Variants in AFF3 observed in about 807,000 individuals in gnomAD.
AFF3 encodes the protein AF4/FMR2 family member 3.
In AFF3, 32 loss-of-function variants were observed where a neutral mutation model predicts 129.7. The observed-to-expected ratio is 0.25, with a 90% CI of 0.19 to 0.33. The LOEUF (loss-of-function observed/expected upper bound fraction) is 0.33, where lower values mean the gene tolerates loss of function less well. AFF3 is among the 10% of genes least tolerant of loss of function. The probability of loss-of-function intolerance (pLI) is 1.00; values close to 1 mark genes in which losing one functional copy is unlikely to be tolerated. For synonymous variants in AFF3, 644 were observed against 635.4 expected, an observed-to-expected ratio of 1.01 and a Z score of -0.20; for missense variants, 1,373 against 1,592.0, an observed-to-expected ratio of 0.86 and a Z score of 2.34.
intron 12 of AFF3, among the ~76,000 whole-genome samples, chr2:99,666,863 A>G (rs1174411613): frequency 6.6e-6 from 1 of 152,182 alleles, no homozygotes; most frequent in African/African-American, 2.4e-5. Context: ...AGCAATCCTA[A>G]ATGTACACAC....
intron 8 of AFF3, among the ~76,000 whole-genome samples, chr2:99,780,085 T>G (rs958874457): frequency 2.0e-5 from 3 of 152,186 alleles, no homozygotes; most frequent in Non-Finnish European, 4.4e-5. Context: ...GTTGTTCTGA[T>G]CACTGTAGGA....
At chr2:100,130,845 C>T (rs1015777846) in intron 1 of AFF3, among the ~76,000 whole-genome samples, 2 of 152,088 alleles carry the variant, frequency 1.3e-5, no homozygotes, top group African/African-American at 4.8e-5. Context: ...GCTGAGATGA[C>T]AGAGGGCACC....
At chr2:100,108,218 C>A (rs1248977451) in intron 2 of AFF3, among the ~76,000 whole-genome samples, 1 of 152,182 alleles carries the variant, frequency 6.6e-6, no homozygotes, top group Non-Finnish European at 1.5e-5. Flanking sequence ...TTTCTCCTTG[C>A]AAATTACATG....
At chr2:100,106,608 T>G (rs1691312813) in intron 2 of AFF3, 1 of 988,850 alleles carries the variant, frequency 1.0e-6, no homozygotes. Flanking sequence ...CTGGAAGAAC[T>G]GCAAGTTCTG....
intron 7 of AFF3, among the ~76,000 whole-genome samples, chr2:100,002,969 A>G (rs1681567430): frequency 6.6e-6 from 1 of 152,136 alleles, no homozygotes; most frequent in South Asian, 2.1e-4. Context: ...TACCAAGTTT[A>G]GGCTAATGTA....
chr2:99,570,541 T>C (rs990827509), intron 18 of AFF3, among the ~76,000 whole-genome samples: 7 of 152,130 alleles, frequency 4.6e-5, no homozygotes, highest in African/African-American at 1.4e-4. Flanking sequence ...TTTTGCCATG[T>C]TGCAAAGGCT....
chr2:99,724,067 C>T (rs1480212573), intron 11 of AFF3, among the ~76,000 whole-genome samples: 2 of 152,062 alleles, frequency 1.3e-5, no homozygotes, highest in Non-Finnish European at 2.9e-5. Flanking sequence ...ACTTTCGCCA[C>T]CTACTTGCTG....
chr2:99,695,016 T>C (rs1676056586), intron 11 of AFF3, among the ~76,000 whole-genome samples: 1 of 152,102 alleles, frequency 6.6e-6, no homozygotes, highest in Non-Finnish European at 1.5e-5. Flanking sequence ...ATTTTAATAA[T>C]GATTTAATTA....
intron 8 of AFF3, among the ~76,000 whole-genome samples, chr2:99,758,736 A>G (rs891969371): frequency 2.0e-5 from 3 of 152,180 alleles, no homozygotes; most frequent in Non-Finnish European, 4.4e-5. Flanking sequence ...CCCAATCTTT[A>G]ACGCAACAAT....
At chr2:99,893,435 T>C (rs1369129820) in intron 7 of AFF3, among the ~76,000 whole-genome samples, 2 of 152,162 alleles carry the variant, frequency 1.3e-5, no homozygotes, top group Non-Finnish European at 2.9e-5. Flanking sequence ...GTGATGGGAT[T>C]TGGAGATGGG....
At position 100,059,254 on chromosome 2, in the gene AFF3, C is replaced by CAAAAAAAAAAA. The variant is rs59005550; in HGVS notation, c.53+45137_53+45147dup. ...GGCAACAGAAGTGAGACTCTGTCTC[C>CAAAAAAAAAAA]AAAAAAAAAAAAAAAAAAAAAAAAA... On this transcript the variant is annotated intron_variant, in intron 4 of 24. Coordinates refer to ENST00000672756, the MANE Select transcript of AFF3 (RefSeq NM_001386135.1). Among the ~76,000 whole-genome samples the CAAAAAAAAAAA allele has an allele frequency of 3.9e-4, 12 of 31,020 alleles. 1 individual carries two copies. Among genetic ancestry groups the CAAAAAAAAAAA allele is most frequent in the Non-Finnish European group, 5.7e-4 (11 of 19,222 alleles). The allele number at this position is 31,020 out of a possible 152,430, so 20.4% of individuals were successfully genotyped here. A position where few individuals can be genotyped will look rare whatever the true frequency, so the allele number is the denominator to read the frequency against.
chr2:99,667,162 T>C (rs1217870787), intron 12 of AFF3, among the ~76,000 whole-genome samples: 1 of 152,128 alleles, frequency 6.6e-6, no homozygotes, highest in Non-Finnish European at 1.5e-5. Flanking sequence ...AACAAATGTA[T>C]AAGAATTGAA....
intron 13 of AFF3, among the ~76,000 whole-genome samples, chr2:99,640,607 C>T (rs1289611826): frequency 6.8e-6 from 1 of 147,644 alleles, no homozygotes; most frequent in Non-Finnish European, 1.5e-5. Context: ...GAAAGCTGGG[C>T]CAGAGGGTTT....
chr2:99,996,787 T>C (rs1680882660), intron 7 of AFF3, among the ~76,000 whole-genome samples: 2 of 152,124 alleles, frequency 1.3e-5, no homozygotes, highest in Admixed American at 1.3e-4. Context: ...GTATGTAATG[T>C]CTCTAATTCC....
chr2:99,765,194 G>A (rs994811182), intron 8 of AFF3, among the ~76,000 whole-genome samples: 7 of 152,130 alleles, frequency 4.6e-5, no homozygotes, highest in East Asian at 1.9e-4. Context: ...ATAGATGATC[G>A]TTGAACTAAC....
At chr2:99,961,026 A>G (rs980405717) in intron 7 of AFF3, among the ~76,000 whole-genome samples, 4 of 152,082 alleles carry the variant, frequency 2.6e-5, no homozygotes, top group Non-Finnish European at 4.4e-5. Flanking sequence ...CAAAACTGGA[A>G]CTCACATTGA....
chr2:99,648,913 A>T (rs1212142440), intron 13 of AFF3, among the ~76,000 whole-genome samples: 4,169 of 34,190 alleles, frequency 0.12, 87 homozygotes, highest in East Asian at 0.24. Flanking sequence ...ACACACACAC[A>T]CACACTCTCT....
At chr2:100,051,031 G>A (rs1038987070) in intron 4 of AFF3, among the ~76,000 whole-genome samples, 2 of 152,212 alleles carry the variant, frequency 1.3e-5, no homozygotes, top group African/African-American at 4.8e-5. Flanking sequence ...CTGACACAAA[G>A]CTTTCCAGCA....
chr2:100,008,843 G>C lies in AFF3; in HGVS notation c.143C>G (p.Ser48Cys), dbSNP rs968724720. ...ETQQDDGTFN[S>C]SYSLFSEPYK... ...GGGCTCACTGAAGAGAGAGTAACTA[G>C]AATTAAACGTGCCATCATCCTGTTG... is the stretch of plus-strand genomic sequence containing the variant. The change falls in exon 5 of 25, where the codon TCT (serine) becomes TGT (cysteine). Residue 48 changes from serine (S) to cysteine (C), a missense_variant. Ser to Cys is a moderately radical substitution (Grantham distance 112, BLOSUM62 -1). Around this residue, in one of 9 missense-constraint regions of AFF3, gnomAD observed 255 missense variants for 256.0 expected, o/e 1.00. Transcript: ENST00000672756. 4 of 1,614,018 alleles carry C rather than the reference G, an allele frequency of 2.5e-6. No homozygotes were observed. Among genetic ancestry groups the C allele is most frequent in the Non-Finnish European group, 3.4e-6 (4 of 1,179,936 alleles).
Sources: gnomAD v4.1 joint callset for allele counts (sites outside exome capture counted in the v4.1 genomes callset) on GRCh38, gnomAD v4.1.1 for gene constraint, gnomAD v4.1.1 regional missense constraint, MANE v1.5 for transcripts, NCBI Gene and HGNC (gene_info 2026-07-23, HGNC 2026-07-21) for gene names.